GTF3C2: variants seen among roughly 807,000 people sequenced by gnomAD.
GTF3C2 encodes general transcription factor IIIC subunit 2, also known as general transcription factor 3C polypeptide 2.
Under a neutral mutation model 117.4 loss-of-function variants are expected in GTF3C2, and 17 were observed. That is an observed-to-expected ratio of 0.14 (90% CI 0.10 to 0.22). GTF3C2 has a LOEUF of 0.22. GTF3C2 is among the 10% of genes least tolerant of loss of function. GTF3C2 has a pLI of 1.00. For missense variants in GTF3C2, 888 were observed against 1,143.6 expected (o/e 0.78, Z 3.22); for synonymous variants, 437 against 427.0 (o/e 1.02, Z -0.29).
Position 27,335,720 on chromosome 2 carries a change from G to A in GTF3C2, c.1468-14C>T. ...CAGGAGAGGAGCCTAAAGGGTAAAA[G>A]GTATGCTGAGGCTTGCTGCCTTCAG... is the stretch of plus-strand genomic sequence containing the variant. On this transcript the variant is annotated splice_polypyrimidine_tract_variant and intron_variant, in intron 9 of 18. Transcript: ENST00000264720. 2 of 1,498,042 alleles carry A rather than the reference G, an allele frequency of 1.3e-6. No homozygotes were observed. The highest frequency in any genetic ancestry group is 1.7e-4 in the Middle Eastern group (1 of 5,882). The allele number at this position is 1,498,042 out of a possible 1,614,324, so 92.8% of individuals were successfully genotyped here.
At position 27,338,098 on chromosome 2, in the gene GTF3C2, G is replaced by GT; in HGVS notation, c.856-79dup. The GT allele has an allele frequency of 3.5e-6, 3 of 868,334 alleles. No individual in the cohort carries two copies. In the African/African-American group the frequency reaches 4.9e-5, roughly 14 times the overall value. 53.8% of individuals were successfully genotyped at this position (868,334 alleles called of 1,614,324 possible). On this transcript the variant is annotated intron_variant, in intron 4 of 18. Transcript: ENST00000264720. ...AAGTCCCAGAGACAGCTCTTTCCCA[G>GT]TTTTTATCTTCTTTGGCAATACCTC...
Position 27,335,311 on chromosome 2 carries a change from T to C in GTF3C2, c.1576+287A>G, listed in dbSNP as rs1484107385. 1.2e-5 allele frequency: 7 copies of C among 563,196 alleles called. No homozygotes were observed. The Middle Eastern group carries it at 9.0e-4, about 72-fold the overall frequency. 34.9% of individuals were successfully genotyped at this position (563,196 alleles called of 1,614,324 possible). A position where few individuals can be genotyped will look rare whatever the true frequency, so the allele number is the denominator to read the frequency against. On this transcript the variant is annotated intron_variant, in intron 10 of 18. Transcript: ENST00000264720. ...ATCAGCCCAAGCCCTCAGCAGCTCT[T>C]TACACAGCCAGTTACCTGTGGCAGC...
At chr2:27,328,503 G>A in exon 16 of GTF3C2, 1 of 1,613,212 alleles carries the variant, frequency 6.2e-7, no homozygotes, top group East Asian at 2.2e-5. Flanking sequence ...ACATTTATTG[G>A]ATTCAGTGCC....
chr2:27,338,482 A>T (rs1572572829), intron 4 of GTF3C2, among the ~76,000 whole-genome samples: 1 of 146,740 alleles, frequency 6.8e-6, no homozygotes. Flanking sequence ...ACACACACAC[A>T]CTCCTGGTAA....
intron 17 of GTF3C2, 105 bp from the exon 18 acceptor site, chr2:27,327,389 CT>C (rs1316218263): frequency 2.0e-5 from 11 of 555,816 alleles, no homozygotes; most frequent in Non-Finnish European, 3.2e-5. Context: ...GTGGCGCGAT[CT>C]TGGCAGCTCA....
At chr2:27,351,473 T>A (rs1181003795) in intron 1 of GTF3C2, among the ~76,000 whole-genome samples, 1 of 152,048 alleles carries the variant, frequency 6.6e-6, no homozygotes, top group Admixed American at 6.6e-5. Context: ...ACCTGCTGAA[T>A]CAACAAGCCC....
Position 27,333,960 on chromosome 2 carries a change from G to A in GTF3C2, c.1602+14C>T, listed in dbSNP as rs1228372896. 6.3e-7 allele frequency: 1 copy of A among 1,599,586 alleles called. No homozygotes were observed. The highest frequency in any genetic ancestry group is 8.6e-7 in the Non-Finnish European group (1 of 1,166,978). On this transcript the variant is annotated intron_variant, in intron 11 of 18. Transcript: ENST00000264720. Reference sequence around the variant, plus strand: ...AGATGGAGCCTCAGCTAAGGTAGCAGGTTCCTCACTCACCTTATATATGGC... The same window carrying A: ...AGATGGAGCCTCAGCTAAGGTAGCAAGTTCCTCACTCACCTTATATATGGC...
chr2:27,345,658 T>G (rs1471709611), intron 1 of GTF3C2, among the ~76,000 whole-genome samples: 2 of 151,278 alleles, frequency 1.3e-5, no homozygotes, highest in East Asian at 1.9e-4. Context: ...TGGATGGGGG[T>G]GGTGGGTAGA....
intron 1 of GTF3C2, among the ~76,000 whole-genome samples, chr2:27,353,075 T>TCATATAAAATAC (rs1681190858): frequency 6.6e-6 from 1 of 152,156 alleles, no homozygotes; most frequent in Non-Finnish European, 1.5e-5. Context: ...TCACAAAACT[T>TCATATAAAATAC]TTACTTCATA....
At chr2:27,328,689 C>CA in intron 15 of GTF3C2, 93 bp from the exon 16 acceptor site, 1 of 1,200,266 alleles carries the variant, frequency 8.3e-7, no homozygotes, top group Non-Finnish European at 1.2e-6. Context: ...GACACACAAA[C>CA]AAAAATGAGT....
At chr2:27,345,483 C>G (rs1680884724) in intron 1 of GTF3C2, among the ~76,000 whole-genome samples, 1 of 151,610 alleles carries the variant, frequency 6.6e-6, no homozygotes, top group Non-Finnish European at 1.5e-5. Flanking sequence ...ATCCCAGCTA[C>G]TCAGGAGGCG....
At chr2:27,354,009 C>T (rs573951863) in intron 1 of GTF3C2, among the ~76,000 whole-genome samples, 12 of 147,810 alleles carry the variant, frequency 8.1e-5, no homozygotes, top group Non-Finnish European at 1.8e-4. Context: ...AGGTTTGAGT[C>T]ACCACACCCA....
chr2:27,331,780 A>C (rs1356918470), intron 12 of GTF3C2, among the ~76,000 whole-genome samples: 1 of 152,072 alleles, frequency 6.6e-6, no homozygotes, highest in Admixed American at 6.5e-5. Context: ...CTCTACAAAA[A>C]ATACAAAAAT....
At chr2:27,328,315 G>A in intron 16 of GTF3C2, 126 bp from the exon 17 acceptor site, 4 of 1,007,962 alleles carry the variant, frequency 4.0e-6, no homozygotes, top group Non-Finnish European at 6.0e-6. Context: ...ATGCTCAGAT[G>A]CAGTACGGTA....
rs991198309 is a variant in GTF3C2 at position 27,343,645 on chromosome 2, C to G, written c.-24-67G>C. On this transcript the variant is annotated intron_variant, in intron 1 of 18. Coordinates refer to ENST00000264720, the Ensembl canonical transcript of GTF3C2. Reference sequence around the variant, plus strand: ...TTTGTACTAGCTCAGATTTTTATTTCCCCATCTTTTCTCCCTCATTCTCAC... The same window carrying G: ...TTTGTACTAGCTCAGATTTTTATTTGCCCATCTTTTCTCCCTCATTCTCAC... 4.5e-6 allele frequency: 6 copies of G among 1,332,218 alleles called. No individual in the cohort carries two copies. In the Admixed American group the frequency reaches 9.9e-5, roughly 22 times the overall value. The allele number at this position is 1,332,218 out of a possible 1,614,324, so 82.5% of individuals were successfully genotyped here. A position where few individuals can be genotyped will look rare whatever the true frequency, so the allele number is the denominator to read the frequency against.
At chr2:27,346,377 A>T (rs1680918497) in intron 1 of GTF3C2, among the ~76,000 whole-genome samples, 3 of 87,348 alleles carry the variant, frequency 3.4e-5, no homozygotes, top group African/African-American at 4.3e-5. Context: ...TTTGAGACAG[A>T]GTCTCATTCT....
Position 27,329,532 on chromosome 2 carries a change from A to T in GTF3C2, c.1733-9T>A, listed in dbSNP as rs774521994. 2 of 1,613,704 alleles carry T rather than the reference A, an allele frequency of 1.2e-6. No individual in the cohort carries two copies. Among genetic ancestry groups the T allele is most frequent in the African/African-American group, 2.7e-5 (2 of 74,924 alleles). On this transcript the variant is annotated splice_polypyrimidine_tract_variant and intron_variant, in intron 12 of 18. Transcript: ENST00000264720. This position sits in a 1 kb window ranked among gnomAD's most constrained non-coding sequence, Gnocchi z 4.5. ...CCAGAAAACCACCATGCCTGAAATA[A>T]GGACAGAATGTGTGAGCATTAAAAG...
rs1466933195 is a variant in GTF3C2, at chr2:27,335,846, C to CT, written c.1467+70dup. ...CACTCCAACCTTCGTTCCTTCAACT[C>CT]TAAGAATTCCCAGGGCCTCTTTGTC... is the stretch of plus-strand genomic sequence containing the variant. On this transcript the variant is annotated intron_variant, in intron 9 of 18. Coordinates refer to ENST00000264720, the Ensembl canonical transcript of GTF3C2. The CT allele has an allele frequency of 7.9e-5, 93 of 1,179,098 alleles. No homozygotes were observed. In the East Asian group the frequency reaches 2.1e-3, roughly 27 times the overall value. The allele number at this position is 1,179,098 out of a possible 1,614,324, so 73.0% of individuals were successfully genotyped here. A position where few individuals can be genotyped will look rare whatever the true frequency, so the allele number is the denominator to read the frequency against.
chr2:27,338,126 C>A, intron 4 of GTF3C2, 106 bp from the exon 5 acceptor site: 1 of 756,316 alleles, frequency 1.3e-6, no homozygotes, highest in East Asian at 2.4e-5. Flanking sequence ...AATACCTCCC[C>A]CTCCAATCAC....
Sources: gnomAD v4.1 joint callset for allele counts (sites outside exome capture counted in the v4.1 genomes callset) on GRCh38, gnomAD v4.1.1 for gene constraint, Gnocchi (gnomAD v3.1) non-coding constraint, MANE v1.5 for transcripts, NCBI Gene and HGNC (gene_info 2026-07-23, HGNC 2026-07-21) for gene names.